Variants in AKAP1 observed in about 807,000 individuals in gnomAD.
AKAP1 encodes the protein A-kinase anchoring protein 1.
A neutral mutation model predicts 79.8 loss-of-function variants in AKAP1; 32 were observed. The observed-to-expected ratio is 0.40, with a 90% CI of 0.30 to 0.54. The LOEUF (loss-of-function observed/expected upper bound fraction) is 0.54. AKAP1 is among the 20% of genes least tolerant of loss of function. AKAP1 has a pLI of 0.47. For synonymous variants in AKAP1, 416 were observed against 466.7 expected, an observed-to-expected ratio of 0.89 and a Z score of 1.40; for missense variants, 961 against 1,138.9, an observed-to-expected ratio of 0.84 and a Z score of 2.25.
Position 57,106,740 on chromosome 17 carries a change from G to C in AKAP1, c.1276G>C (p.Ala426Pro). The C allele has an allele frequency of 6.2e-7, 1 of 1,613,962 alleles. No homozygotes were observed. Among genetic ancestry groups the C allele is most frequent in the African/African-American group, 1.3e-5 (1 of 75,054 alleles). Reference protein sequence around the residue: ...DAGLPLPGLPAEGSPPPKTYV... With the variant: ...DAGLPLPGLPPEGSPPPKTYV... ...TGGCCTCCCCTTGCCAGGCCTACCA[G>C]CAGAGGGCTCACCACCACCAAAGAC... The change falls in exon 2 of 11, where the codon GCA becomes CCA. Residue 426 changes from alanine (A) to proline (P), a missense_variant. Ala to Pro is a conservative substitution (Grantham distance 27). Transcript: ENST00000337714.
intron 1 of AKAP1, among the ~76,000 whole-genome samples, chr17:57,103,117 C>T (rs966713230): frequency 9.9e-5 from 15 of 152,190 alleles, no homozygotes; most frequent in East Asian, 5.8e-4. Flanking sequence ...TGAAGCAAAA[C>T]GGTAGCACTA....
chr17:57,107,295 G>A, intron 2 of AKAP1, 117 bp downstream of exon 2: 2 of 1,390,944 alleles, frequency 1.4e-6, no homozygotes, highest in Non-Finnish European at 2.0e-6. Flanking sequence ...GTGCTCTTCA[G>A]CTCTTTATCG....
chr17:57,100,864 T>C (rs1487800333), intron 1 of AKAP1, among the ~76,000 whole-genome samples: 1 of 152,072 alleles, frequency 6.6e-6, no homozygotes, highest in Non-Finnish European at 1.5e-5. Context: ...ACCCTGTCTC[T>C]ACTAAAAATA....
At chr17:57,100,447 GCA>G (rs769056309) in intron 1 of AKAP1, among the ~76,000 whole-genome samples, 4 of 75,276 alleles carry the variant, frequency 5.3e-5, no homozygotes, top group Non-Finnish European at 7.8e-5. Context: ...ACACACACAC[GCA>G]CACACACACA....
At chr17:57,087,794 G>C (rs111326051) in intron 1 of AKAP1, among the ~76,000 whole-genome samples, 2,655 of 152,316 alleles carry the variant, frequency 0.017, 36 homozygotes, top group Admixed American at 0.027. Context: ...CTAGCCTCCT[G>C]CTCCCAGCCT....
At chr17:57,089,574 C>T (rs72843420) in intron 1 of AKAP1, among the ~76,000 whole-genome samples, 14,735 of 152,196 alleles carry the variant, frequency 0.097, 742 homozygotes, top group East Asian at 0.14. Flanking sequence ...TTTCCATAAT[C>T]GAAGAAAGTT....
Position 57,106,506 on chromosome 17 carries a change from G to A in AKAP1, c.1042G>A (p.Ala348Thr), listed in dbSNP as rs541623468. The A allele has an allele frequency of 2.2e-5, 35 of 1,613,788 alleles. No homozygotes were observed. In the East Asian group the frequency reaches 7.8e-4, roughly 36 times the overall value. The change falls in exon 2 of 11, where the codon GCC becomes ACC. Residue 348 changes from alanine (A) to threonine (T), a missense_variant. Transcript: ENST00000337714. ...TAGAAATGAGGAGATTAAGCGGGCT[G>A]CCTTCCAGATAATCTCCCAAGTGAT... Reference protein sequence around the residue: ...LDRNEEIKRAAFQIISQVISE... With the variant: ...LDRNEEIKRATFQIISQVISE...
chr17:57,089,533 T>G (rs1913655337), intron 1 of AKAP1, among the ~76,000 whole-genome samples: 1 of 152,208 alleles, frequency 6.6e-6, no homozygotes, highest in South Asian at 2.1e-4. Context: ...AGCTAGTGGC[T>G]GCCGTCCTGG....
chr17:57,087,080 G>A (rs1897032172), intron 1 of AKAP1, among the ~76,000 whole-genome samples: 1 of 152,156 alleles, frequency 6.6e-6, no homozygotes, highest in Non-Finnish European at 1.5e-5. Context: ...TAATTCTTGG[G>A]TGTATTCTCT....
chr17:57,116,375 G>C, intron 7 of AKAP1, 114 bp downstream of exon 7: 2 of 1,341,858 alleles, frequency 1.5e-6, no homozygotes, highest in South Asian at 2.6e-5. Flanking sequence ...CTTCCCTCCT[G>C]CTGCCTACTG....
At chr17:57,107,430 C>G (rs1257678456) in intron 2 of AKAP1, among the ~76,000 whole-genome samples, 1 of 152,196 alleles carries the variant, frequency 6.6e-6, no homozygotes, top group Non-Finnish European at 1.5e-5. Flanking sequence ...CCAGTGAGCC[C>G]TTCCCAAGGA....
chr17:57,106,281 G>A lies in AKAP1; in HGVS notation c.817G>A (p.Glu273Lys), dbSNP rs749411736. The A allele has an allele frequency of 1.5e-5, 24 of 1,614,078 alleles. No individual in the cohort carries two copies. Among genetic ancestry groups the A allele is most frequent in the East Asian group, 1.1e-4 (5 of 44,884 alleles). ...VAEKLPSRFI[E>K]SAHTELAKDD... ...AGAGAAGTTGCCAAGTAGGTTCATC[G>A]AGTCGGCTCACACAGAGCTGGCAAA... The change falls in exon 2 of 11, where the codon GAG (glutamate) becomes AAG (lysine). Residue 273 changes from glutamate (E) to lysine (K), a missense_variant. Physicochemically the swap from Glu to Lys is moderately conservative, Grantham distance 56. This residue lies in a region of AKAP1 where 224 missense variants were observed against 210.2 expected (regional missense o/e 1.07). Coordinates refer to ENST00000337714, the MANE Select transcript of AKAP1 (RefSeq NM_003488.4).
In AKAP1 at chr17:57,120,324, A is replaced by AC. The variant is rs769667510; in HGVS notation, c.*5dup. On this transcript the variant is annotated 3_prime_UTR_variant, in exon 11 of 11. Coordinates refer to ENST00000337714, the MANE Select transcript of AKAP1 (RefSeq NM_003488.4). Reference sequence around the variant, plus strand: ...TAGACAGCTACTACACAAGCCTTTGACCCCCATGCTGCTTCCTGAGAGTCT... The same window carrying AC: ...TAGACAGCTACTACACAAGCCTTTGACCCCCCATGCTGCTTCCTGAGAGTCT... The AC allele has an allele frequency of 4.3e-6, 7 of 1,612,090 alleles. No homozygotes were observed. The African/African-American group carries it at 8.0e-5, about 19-fold the overall frequency.
Position 57,106,652 on chromosome 17 carries a change from T to C in AKAP1, c.1188T>C (p.Thr396=), listed in dbSNP as rs778563593. 7 of 1,614,032 alleles carry C rather than the reference T, an allele frequency of 4.3e-6. No individual in the cohort carries two copies. Among genetic ancestry groups the C allele is most frequent in the Non-Finnish European group, 5.9e-6 (7 of 1,180,014 alleles). ...GCTGTGTCCCAGTTCACCAGAAAAC[T>C]GTCTTGGGCCCAGACACTGCGGAGC... ...EESCVPVHQK[T]VLGPDTAEPA... is the part of the protein sequence containing the mutation. Residue 396 remains threonine, a synonymous_variant, in exon 2 of 11, where the codon ACT becomes ACC. Coordinates refer to ENST00000337714, the MANE Select transcript of AKAP1 (RefSeq NM_003488.4).
At chr17:57,115,127 G>A (rs916816) in intron 6 of AKAP1, among the ~76,000 whole-genome samples, 66,910 of 151,980 alleles carry the variant, frequency 0.44, 16,594 homozygotes, top group South Asian at 0.66. Flanking sequence ...CTGGGCCTCA[G>A]GTGACTTGCC....
Position 57,106,529 on chromosome 17 carries a change from G to A in AKAP1, c.1065G>A (p.Val355=). 1 of 1,614,206 alleles carries A rather than the reference G, an allele frequency of 6.2e-7. No homozygotes were observed. Among genetic ancestry groups the A allele is most frequent in the Non-Finnish European group, 8.5e-7 (1 of 1,180,040 alleles). The change falls in exon 2 of 11, where the codon GTG becomes GTA. Residue 355 remains valine (V), a synonymous_variant. Coordinates refer to ENST00000337714, the MANE Select transcript of AKAP1 (RefSeq NM_003488.4). ...KRAAFQIISQ[V]ISEATEQVLA... The stretch of plus-strand genomic sequence containing the variant: ...CTGCCTTCCAGATAATCTCCCAAGT[G>A]ATCTCAGAAGCAACCGAACAGGTGC...
In AKAP1 at chr17:57,112,568, G is replaced by T. The variant is rs147094420; in HGVS notation, c.2053G>T (p.Ala685Ser). The part of the protein sequence containing the change: ...FKELNLTNIY[A>S]PPLPSLALPS... ...AGAGCTGAACCTCACCAATATCTAC[G>T]CTCCCCCATTGCCTTCACTGGCACT... The change falls in exon 5 of 11, where the codon GCT (alanine) becomes TCT (serine). Residue 685 changes from alanine to serine, a missense_variant. Physicochemically the swap from Ala to Ser is moderately conservative, Grantham distance 99 (BLOSUM62 1). Coordinates refer to ENST00000337714, the MANE Select transcript of AKAP1 (RefSeq NM_003488.4). The T allele has an allele frequency of 1.2e-6, 2 of 1,614,054 alleles. No individual in the cohort carries two copies. The highest frequency in any genetic ancestry group is 1.7e-6 in the Non-Finnish European group (2 of 1,180,014).
chr17:57,098,024 G>A (rs1385373989), intron 1 of AKAP1, among the ~76,000 whole-genome samples: 1 of 152,248 alleles, frequency 6.6e-6, no homozygotes, highest in Non-Finnish European at 1.5e-5. Flanking sequence ...GTAGCCTGCA[G>A]TTACCAGGTT....
chr17:57,093,474 A>C (rs975180442), intron 1 of AKAP1: 1 of 152,174 alleles, frequency 6.6e-6, no homozygotes, highest in African/African-American at 2.4e-5. Flanking sequence ...GTCAATAAGC[A>C]TGCTCTCTTT....
Sources: allele counts gnomAD v4.1 joint callset (sites outside exome capture counted in the v4.1 genomes callset), GRCh38; gene constraint gnomAD v4.1.1; regional missense constraint gnomAD v4.1.1; transcripts MANE v1.5; gene names NCBI Gene and HGNC (gene_info 2026-07-23, HGNC 2026-07-21).